The following MID1 variants were observed in gnomAD, a reference collection of about 807,000 sequenced individuals.
The protein encoded by MID1 is E3 ubiquitin-protein ligase Midline-1.
In MID1, 7 loss-of-function variants were observed where a neutral mutation model predicts 40.4. That is an observed-to-expected ratio of 0.17 (90% CI 0.10 to 0.33). The LOEUF is 0.33. MID1 is among the 10% of genes least tolerant of loss of function. The pLI, the probability that MID1 is intolerant of heterozygous loss-of-function variation, is 1.00. For synonymous variants in MID1, 229 were observed against 221.2 expected, an observed-to-expected ratio of 1.04 and a Z score of -0.31; for missense variants, 367 against 558.5, an observed-to-expected ratio of 0.66 and a Z score of 3.46.
intron 2 of MID1, among the ~76,000 whole-genome samples, chrX:10,546,566 A>C (rs1933690413): frequency 8.9e-6 from 1 of 111,735 alleles, no homozygotes; most frequent in South Asian, 3.8e-4. Flanking sequence ...CAAGTGCAGA[A>C]CTTCCCTGGA....
intron 1 of MID1, among the ~76,000 whole-genome samples, chrX:10,639,682 T>C (rs930456823): frequency 3.6e-5 from 4 of 110,884 alleles, no homozygotes; most frequent in Admixed American, 1.9e-4. Context: ...AGATACTCCT[T>C]GAGAAGAGCA....
chrX:10,780,206 T>C (rs1027560411), intron 1 of MID1, among the ~76,000 whole-genome samples: 45 of 111,293 alleles, frequency 4.0e-4, no homozygotes, highest in African/African-American at 1.3e-3. Context: ...CCTCAGGTGA[T>C]CTGCTTGTGT....
chrX:10,506,488 A>C (rs1315000261), intron 3 of MID1: 4 of 528,116 alleles, frequency 7.6e-6, no homozygotes, highest in African/African-American at 4.5e-5. Flanking sequence ...CATTCCAGCT[A>C]ATAGGGAAGA....
chrX:10,582,700 C>T (rs930473709), intron 1 of MID1: 11 of 111,970 alleles, frequency 9.8e-5, no homozygotes, highest in Non-Finnish European at 1.9e-4. Flanking sequence ...AAGCCTCACC[C>T]ATAGATTTTG....
chrX:10,645,491 A>G (rs182649968), intron 1 of MID1, among the ~76,000 whole-genome samples: 1 of 112,206 alleles, frequency 8.9e-6, no homozygotes, highest in Admixed American at 9.4e-5. Flanking sequence ...GTCTCTTTAC[A>G]ACTCCATTTA....
intron 1 of MID1, among the ~76,000 whole-genome samples, chrX:10,584,076 C>G (rs1014833660): frequency 1.8e-5 from 2 of 110,028 alleles, no homozygotes. Context: ...GGCCTGGTAT[C>G]TCTGTTTCCA....
At chrX:10,491,396 A>AT (rs1930941548) in intron 4 of MID1, among the ~76,000 whole-genome samples, 2 of 106,507 alleles carry the variant, frequency 1.9e-5, no homozygotes, top group South Asian at 8.2e-4. Flanking sequence ...TTGAAAGCTA[A>AT]TTTTTTACTT....
chrX:10,459,504 A>G (rs1402398361), intron 8 of MID1, 142 bp downstream of exon 8: 5 of 645,932 alleles, frequency 7.7e-6, no homozygotes, highest in African/African-American at 4.3e-5. Context: ...TGCAAATTCC[A>G]TTATTCCACA....
At chrX:10,727,950 A>C (rs915123561) in intron 1 of MID1, among the ~76,000 whole-genome samples, 4 of 111,927 alleles carry the variant, frequency 3.6e-5, no homozygotes, top group African/African-American at 1.3e-4. Flanking sequence ...TGCCACCTCA[A>C]ATTCTATTAG....
At chrX:10,748,749 G>C (rs776566147) in intron 1 of MID1, among the ~76,000 whole-genome samples, 1 of 111,821 alleles carries the variant, frequency 8.9e-6, no homozygotes, top group Non-Finnish European at 1.9e-5. Context: ...AATCTACTGT[G>C]TGCAGTAGAT....
chrX:10,770,616 CGTAG>C (rs2043759082), intron 1 of MID1, among the ~76,000 whole-genome samples: 1 of 111,629 alleles, frequency 9.0e-6, no homozygotes, highest in Non-Finnish European at 1.9e-5. Flanking sequence ...CTAGTGTTTA[CGTAG>C]GTAGTCCATT....
chrX:10,820,270 G>A (rs183314629), intron 1 of MID1, among the ~76,000 whole-genome samples: 83 of 111,994 alleles, frequency 7.4e-4, no homozygotes, highest in African/African-American at 2.6e-3. Context: ...AGGGCAAACC[G>A]AACTGGGCAA....
intron 3 of MID1, among the ~76,000 whole-genome samples, chrX:10,507,170 C>T (rs561738765): frequency 1.3e-3 from 146 of 108,449 alleles, no homozygotes; most frequent in African/African-American, 4.8e-3. Flanking sequence ...CTCCCCCCTC[C>T]GCCCCCATCT....
chrX:10,699,601 G>A (rs1028848952), intron 1 of MID1, among the ~76,000 whole-genome samples: 2 of 111,538 alleles, frequency 1.8e-5, no homozygotes, highest in Admixed American at 1.9e-4. Context: ...AGTTACTTGA[G>A]CTTGCCCCTT....
intron 3 of MID1, among the ~76,000 whole-genome samples, chrX:10,516,560 TTG>T (rs57101806): frequency 0.14 from 10,463 of 73,109 alleles, 749 homozygotes; most frequent in East Asian, 0.35. Flanking sequence ...TACTCTGCTC[TTG>T]TGTGTGTGTG....
intron 8 of MID1, among the ~76,000 whole-genome samples, chrX:10,456,554 T>C (rs1928681684): frequency 8.9e-6 from 1 of 112,741 alleles, no homozygotes; most frequent in Non-Finnish European, 1.9e-5. Flanking sequence ...AAGAAAAGCT[T>C]AGGCTGGGCT....
At chrX:10,821,925 T>C (rs1172178445) in intron 1 of MID1, among the ~76,000 whole-genome samples, 1 of 111,347 alleles carries the variant, frequency 9.0e-6, no homozygotes, top group African/African-American at 3.3e-5. Flanking sequence ...ATATGGGAGA[T>C]GGGCTTGGCT....
chrX:10,734,790 C>T (rs774840102), intron 1 of MID1, among the ~76,000 whole-genome samples: 9 of 111,754 alleles, frequency 8.1e-5, no homozygotes, highest in Non-Finnish European at 1.7e-4. Flanking sequence ...TAACAATGTC[C>T]TAGTGGTTGG....
intron 1 of MID1, among the ~76,000 whole-genome samples, chrX:10,794,369 T>C (rs2043954467): frequency 8.9e-6 from 1 of 112,172 alleles, no homozygotes; most frequent in Non-Finnish European, 1.9e-5. Flanking sequence ...ACAGGGCAAG[T>C]GCTAATGCAG....
Sources: gnomAD v4.1 joint callset for allele counts (sites outside exome capture counted in the v4.1 genomes callset) on GRCh38, gnomAD v4.1.1 for gene constraint, MANE v1.5 for transcripts, NCBI Gene and HGNC (gene_info 2026-07-23, HGNC 2026-07-21) for gene names.